IL23R: variants seen among roughly 807,000 people sequenced by gnomAD.
IL23R encodes interleukin-23 receptor.
In IL23R, 34 loss-of-function variants were observed where a neutral mutation model predicts 56.9. That is an observed-to-expected ratio of 0.60 (90% CI 0.45 to 0.80). The LOEUF (loss-of-function observed/expected upper bound fraction) is 0.80, where lower values mean the gene tolerates loss of function less well. IL23R is among the 30% of genes least tolerant of loss of function. The pLI is 0.00. For missense variants in IL23R, 635 were observed against 730.0 expected, an observed-to-expected ratio of 0.87 and a Z score of 1.50; for synonymous variants, 230 against 249.2, an observed-to-expected ratio of 0.92 and a Z score of 0.73.
At chr1:67,177,668 G>A (rs182018898) in intron 3 of IL23R, among the ~76,000 whole-genome samples, 1 of 151,382 alleles carries the variant, frequency 6.6e-6, no homozygotes, top group Non-Finnish European at 1.5e-5. Context: ...ATTGTTTTTA[G>A]TGTTTTCATC....
At chr1:67,175,421 A>G (rs1380625025) in intron 3 of IL23R, among the ~76,000 whole-genome samples, 2 of 152,182 alleles carry the variant, frequency 1.3e-5, no homozygotes, top group Non-Finnish European at 2.9e-5. Context: ...ACACTGTTGT[A>G]CAACCATCAC....
At chr1:67,186,536 G>A (rs977892219) in intron 4 of IL23R, among the ~76,000 whole-genome samples, 12 of 151,978 alleles carry the variant, frequency 7.9e-5, no homozygotes, top group Non-Finnish European at 1.2e-4. Context: ...TTTGCTTTCC[G>A]TTTCTGTTGA....
At chr1:67,184,597 TA>T (rs1358760883) in intron 4 of IL23R, among the ~76,000 whole-genome samples, 1 of 148,808 alleles carries the variant, frequency 6.7e-6, no homozygotes, top group Non-Finnish European at 1.5e-5. Context: ...TAAAATAAAA[TA>T]AAATAAAATA....
chr1:67,183,813 G>A (rs11465791), intron 4 of IL23R, among the ~76,000 whole-genome samples: 6,722 of 152,230 alleles, frequency 0.044, 186 homozygotes, highest in Non-Finnish European at 0.062. Context: ...CAACTTTCCT[G>A]TTTGCCTTAT....
intron 9 of IL23R, among the ~76,000 whole-genome samples, chr1:67,246,017 C>A (rs1652197045): frequency 6.6e-6 from 1 of 152,290 alleles, no homozygotes; most frequent in East Asian, 1.9e-4. Context: ...AGGGATTTCA[C>A]TTCTTCCTGG....
chr1:67,236,458 C>T (rs11465803), intron 7 of IL23R, among the ~76,000 whole-genome samples: 13,481 of 152,260 alleles, frequency 0.089, 711 homozygotes, highest in Non-Finnish European at 0.11. Context: ...TTAGTGGACA[C>T]ACCTTGAAGT....
At chr1:67,152,598 G>A (rs1646738381) in intron 1 of IL23R, among the ~76,000 whole-genome samples, 1 of 152,136 alleles carries the variant, frequency 6.6e-6, no homozygotes, top group Non-Finnish European at 1.5e-5. Context: ...GTCATAAATA[G>A]CTCTTATTAT....
upstream of IL23R, among the ~76,000 whole-genome samples, chr1:67,164,752 G>A (rs1366787631): frequency 6.6e-6 from 1 of 152,084 alleles, no homozygotes; most frequent in African/African-American, 2.4e-5. Flanking sequence ...TCCACACAGT[G>A]TTGGAGTCAT....
chr1:67,224,218 CAGT>C (rs1481791998), intron 7 of IL23R, among the ~76,000 whole-genome samples: 1 of 152,124 alleles, frequency 6.6e-6, no homozygotes, highest in Non-Finnish European at 1.5e-5. Flanking sequence ...TAAATAAAAG[CAGT>C]AAGAATCAGA....
chr1:67,260,564 A>G (rs1653171896), downstream of IL23R, among the ~76,000 whole-genome samples: 1 of 152,110 alleles, frequency 6.6e-6, no homozygotes, highest in South Asian at 2.1e-4. Context: ...TATGGCCACA[A>G]TCCATAAGGA....
At chr1:67,144,453 T>C (rs1646663134) in intron 1 of IL23R, among the ~76,000 whole-genome samples, 1 of 152,230 alleles carries the variant, frequency 6.6e-6, no homozygotes, top group African/African-American at 2.4e-5. Flanking sequence ...ATAACTATAA[T>C]CATTCTTCTG....
At position 67,228,008 on chromosome 1, in the gene IL23R, T is replaced by TTC. The variant is rs1245001732; in HGVS notation, c.955+8280_955+8281dup. Among the ~76,000 whole-genome samples the TTC allele has an allele frequency of 8.0e-5, 9 of 112,970 alleles. 2 individuals are homozygous for TTC. The highest frequency in any genetic ancestry group is 2.9e-4 in the African/African-American group (8 of 27,222). 74.1% of individuals were successfully genotyped at this position (112,970 alleles called of 152,430 possible). On this transcript the variant is annotated intron_variant, in intron 7 of 10. Transcript: ENST00000347310. ...TTTCTTTCTTTCTTTCTTTCTTTCTTTCTTTCTTTCTTCCTTTCTTTCTTT... is the reference window on the plus strand; with the variant it reads ...TTTCTTTCTTTCTTTCTTTCTTTCTTTCTCTTTCTTTCTTCCTTTCTTTCTTT...
chr1:67,179,362 A>G (rs924866109), intron 3 of IL23R, among the ~76,000 whole-genome samples: 10 of 152,194 alleles, frequency 6.6e-5, no homozygotes, highest in Admixed American at 3.9e-4. Flanking sequence ...GTATGCGTCC[A>G]GGAATTTATC....
At chr1:67,253,096 C>T (rs532558283) in intron 9 of IL23R, among the ~76,000 whole-genome samples, 19 of 152,282 alleles carry the variant, frequency 1.2e-4, no homozygotes, top group African/African-American at 4.1e-4. Context: ...ATTTAGTTTG[C>T]TTTAACACTT....
chr1:67,224,186 C>T (rs1011669870), intron 7 of IL23R, among the ~76,000 whole-genome samples: 3 of 152,170 alleles, frequency 2.0e-5, no homozygotes, highest in African/African-American at 7.2e-5. Context: ...ACATAAATTA[C>T]ATTGCATCAT....
At position 67,247,593 on chromosome 1, in the gene IL23R, C is replaced by T. The variant is rs144647186; in HGVS notation, c.1148+7312C>T. On this transcript the variant is annotated intron_variant, in intron 9 of 10. Transcript: ENST00000347310. ...TGCTGGGATTACAGGCATGAGCCAC[C>T]GTGCCCAGCCTAGTCCATTTACATT... Among the ~76,000 whole-genome samples the T allele has an allele frequency of 1.5e-3, 232 of 152,210 alleles. 2 individuals carry two copies. The highest frequency in any genetic ancestry group is 4.8e-3 in the African/African-American group (198 of 41,544).
intron 1 of IL23R, among the ~76,000 whole-genome samples, chr1:67,152,089 C>T (rs1438579429): frequency 6.6e-6 from 1 of 152,110 alleles, no homozygotes; most frequent in East Asian, 1.9e-4. Context: ...TCTTCCTATC[C>T]ATGAGGATGG....
chr1:67,219,582 A>G lies in IL23R; in HGVS notation c.807A>G (p.Glu269=). Residue 269 remains glutamate (E), a synonymous_variant, in exon 7 of 11, where the codon GAA becomes GAG. Transcript: ENST00000347310. The stretch of plus-strand genomic sequence containing the variant: ...TTACCCATCCATTTTAGGTTAAAGA[A>G]TTTGACACCAATTTTACATATGTGC... ...ATTNQTWNVK[E]FDTNFTYVQQ... 1.9e-6 allele frequency: 3 copies of G among 1,613,908 alleles called. No individual in the cohort carries two copies. Among genetic ancestry groups the G allele is most frequent in the South Asian group, 2.2e-5 (2 of 91,078 alleles).
At chr1:67,257,152 C>A (rs1652994940) in intron 10 of IL23R, among the ~76,000 whole-genome samples, 2 of 152,166 alleles carry the variant, frequency 1.3e-5, no homozygotes, top group Non-Finnish European at 2.9e-5. Context: ...CTATTCTGGG[C>A]TCCTGGAATT....
Sources: gnomAD v4.1 joint callset for allele counts (sites outside exome capture counted in the v4.1 genomes callset) on GRCh38, gnomAD v4.1.1 for gene constraint, MANE v1.5 for transcripts, NCBI Gene and HGNC (gene_info 2026-07-23, HGNC 2026-07-21) for gene names.